Variants in ITGBL1 observed in about 807,000 individuals in gnomAD.
ITGBL1 encodes integrin beta-like protein 1.
In ITGBL1, 51 loss-of-function variants were observed where a neutral mutation model predicts 68.5. The ratio of observed to expected loss-of-function variants is 0.74; its 90% confidence interval spans 0.59 to 0.94. The LOEUF is 0.94. ITGBL1 is among the 40% of genes least tolerant of loss of function. The pLI, the probability that ITGBL1 is intolerant of heterozygous loss-of-function variation, is 0.00. For synonymous variants in ITGBL1, 209 were observed against 227.3 expected, an observed-to-expected ratio of 0.92 and a Z score of 0.72; for missense variants, 649 against 647.4, an observed-to-expected ratio of 1.00 and a Z score of -0.03.
chr13:101,667,072 G>A (rs2033237719), intron 7 of ITGBL1, among the ~76,000 whole-genome samples: 1 of 152,158 alleles, frequency 6.6e-6, no homozygotes, highest in Admixed American at 6.5e-5. Flanking sequence ...GAAACTGAAT[G>A]ACATTCCAAA....
chr13:101,644,332 T>TC (rs1178705088), intron 7 of ITGBL1, among the ~76,000 whole-genome samples: 1 of 152,192 alleles, frequency 6.6e-6, no homozygotes, highest in African/African-American at 2.4e-5. Flanking sequence ...TTTATCCTTT[T>TC]CATTGCATTT....
intron 2 of ITGBL1, among the ~76,000 whole-genome samples, chr13:101,470,522 A>G (rs563397329): frequency 7.9e-4 from 120 of 152,222 alleles, no homozygotes; most frequent in African/African-American, 2.8e-3. Context: ...CTGTTAAAGC[A>G]CAATGAAATA....
At chr13:101,514,164 G>A (rs189917527) in intron 2 of ITGBL1, among the ~76,000 whole-genome samples, 1 of 151,838 alleles carries the variant, frequency 6.6e-6, no homozygotes, top group Non-Finnish European at 1.5e-5. Context: ...TATCCTAAAC[G>A]TCCCCATATT....
intron 7 of ITGBL1, among the ~76,000 whole-genome samples, chr13:101,601,543 G>A (rs1270462465): frequency 1.3e-5 from 2 of 152,046 alleles, no homozygotes; most frequent in African/African-American, 4.8e-5. Flanking sequence ...GTCAATTTTA[G>A]ATCTTTCCTG....
intron 7 of ITGBL1, among the ~76,000 whole-genome samples, chr13:101,674,250 C>CA (rs1371178252): frequency 6.6e-6 from 1 of 152,206 alleles, no homozygotes; most frequent in Non-Finnish European, 1.5e-5. Flanking sequence ...GGACTAATGT[C>CA]AGACTTGTTT....
At chr13:101,539,767 C>T in intron 2 of ITGBL1, among the ~76,000 whole-genome samples, 1 of 151,658 alleles carries the variant, frequency 6.6e-6, no homozygotes, top group Non-Finnish European at 1.5e-5. Flanking sequence ...GATGGTATCT[C>T]ATTGTGGTTT....
At chr13:101,688,213 G>A (rs182623986) in intron 7 of ITGBL1, among the ~76,000 whole-genome samples, 1 of 152,138 alleles carries the variant, frequency 6.6e-6, no homozygotes, top group East Asian at 2.0e-4. Flanking sequence ...CTGGACCGTA[G>A]TGATTTTATC....
intron 2 of ITGBL1, among the ~76,000 whole-genome samples, chr13:101,457,067 A>C (rs2048254518): frequency 6.6e-6 from 1 of 152,180 alleles, no homozygotes. Flanking sequence ...TAACTTATAG[A>C]GCTGTTGTAA....
At chr13:101,568,229 C>T (rs1209826594) in intron 3 of ITGBL1, among the ~76,000 whole-genome samples, 1 of 152,044 alleles carries the variant, frequency 6.6e-6, no homozygotes, top group Non-Finnish European at 1.5e-5. Context: ...CAAAATAGAA[C>T]CAAATACTTT....
intron 7 of ITGBL1, among the ~76,000 whole-genome samples, chr13:101,624,268 A>G (rs1594937871): frequency 6.6e-6 from 1 of 152,188 alleles, no homozygotes; most frequent in Admixed American, 6.5e-5. Flanking sequence ...TGCAAATGTG[A>G]AAACTATTGC....
At chr13:101,507,700 G>T (rs1448645812) in intron 2 of ITGBL1, among the ~76,000 whole-genome samples, 1 of 152,038 alleles carries the variant, frequency 6.6e-6, no homozygotes, top group Non-Finnish European at 1.5e-5. Context: ...TGGAACAACT[G>T]AAGGAAGAGA....
intron 7 of ITGBL1, among the ~76,000 whole-genome samples, chr13:101,671,567 T>C (rs2139504768): frequency 6.7e-6 from 1 of 149,672 alleles, no homozygotes; most frequent in East Asian, 2.0e-4. Context: ...GCCTCCCGAG[T>C]AGCTGGGACT....
chr13:101,548,179 A>G (rs547159746), intron 2 of ITGBL1, among the ~76,000 whole-genome samples: 1 of 152,008 alleles, frequency 6.6e-6, no homozygotes, highest in Admixed American at 6.5e-5. Flanking sequence ...AAGGCTGCAA[A>G]ACATTGACTA....
At chr13:101,707,858 A>G (rs1296333372) in intron 9 of ITGBL1, among the ~76,000 whole-genome samples, 3 of 136,728 alleles carry the variant, frequency 2.2e-5, no homozygotes, top group African/African-American at 9.9e-5. Flanking sequence ...ATCTCCCAGA[A>G]AAAAAAAAAA....
At chr13:101,512,332 C>T (rs985982540) in intron 2 of ITGBL1, among the ~76,000 whole-genome samples, 4 of 152,110 alleles carry the variant, frequency 2.6e-5, no homozygotes, top group African/African-American at 9.7e-5. Flanking sequence ...CACTCACCAT[C>T]CAGGAAATTT....
intron 2 of ITGBL1, among the ~76,000 whole-genome samples, chr13:101,461,300 C>A (rs188393374): frequency 2.7e-4 from 41 of 152,076 alleles, no homozygotes; most frequent in African/African-American, 9.6e-4. Flanking sequence ...TATCATAAAC[C>A]CCCACAAAAG....
At chr13:101,548,817 A>T (rs1377478380) in intron 2 of ITGBL1, among the ~76,000 whole-genome samples, 1 of 151,822 alleles carries the variant, frequency 6.6e-6, no homozygotes, top group Non-Finnish European at 1.5e-5. Context: ...ATTATAAATT[A>T]TTGTATATCT....
chr13:101,513,398 T>A (rs1446586892), intron 2 of ITGBL1, among the ~76,000 whole-genome samples: 1 of 152,042 alleles, frequency 6.6e-6, no homozygotes, highest in Non-Finnish European at 1.5e-5. Flanking sequence ...TGAGAATTAC[T>A]GGGTATGGAG....
chr13:101,695,088 G>T (rs2033972194), intron 8 of ITGBL1, among the ~76,000 whole-genome samples: 1 of 152,182 alleles, frequency 6.6e-6, no homozygotes, highest in East Asian at 1.9e-4. Context: ...TCTGAAAAGA[G>T]ATTTGATTCA....
Sources: gnomAD v4.1 joint callset for allele counts (sites outside exome capture counted in the v4.1 genomes callset) on GRCh38, gnomAD v4.1.1 for gene constraint, MANE v1.5 for transcripts, NCBI Gene and HGNC (gene_info 2026-07-23, HGNC 2026-07-21) for gene names.